ARHGAP6: variants seen among roughly 807,000 people sequenced by gnomAD.
The protein encoded by ARHGAP6 is Rho GTPase activating protein 6, also known as rho GTPase-activating protein 6.
A neutral mutation model predicts 55.7 loss-of-function variants in ARHGAP6; 16 were observed. That is an observed-to-expected ratio of 0.29 (90% CI 0.19 to 0.44). The LOEUF (loss-of-function observed/expected upper bound fraction) is 0.44, where lower values mean the gene tolerates loss of function less well. ARHGAP6 is among the 20% of genes least tolerant of loss of function. The pLI is 1.00. For missense variants in ARHGAP6, 698 were observed against 808.9 expected, an observed-to-expected ratio of 0.86 and a Z score of 1.66; for synonymous variants, 382 against 360.9, an observed-to-expected ratio of 1.06 and a Z score of -0.66.
chrX:11,258,903 T>C (rs951294598), intron 1 of ARHGAP6, among the ~76,000 whole-genome samples: 3 of 111,755 alleles, frequency 2.7e-5, no homozygotes, highest in Non-Finnish European at 5.6e-5. Flanking sequence ...TGAGATGTTT[T>C]GATACAGGCA....
intron 1 of ARHGAP6, among the ~76,000 whole-genome samples, chrX:11,447,559 T>C (rs779463523): frequency 8.9e-6 from 1 of 112,518 alleles, no homozygotes; most frequent in Non-Finnish European, 1.9e-5. Flanking sequence ...TGAGTAGTTG[T>C]GGCAGAGATT....
chrX:11,316,617 A>G (rs932859932), intron 1 of ARHGAP6, among the ~76,000 whole-genome samples: 5 of 112,188 alleles, frequency 4.5e-5, no homozygotes, highest in African/African-American at 9.7e-5. Flanking sequence ...CATTGCTGTT[A>G]ATTATAGTAA....
rs112532582 is a variant in ARHGAP6, at chrX:11,285,164, GT to G, written c.589-30458del. ...TTCCAGATGAACAACCACACAGATT[GT>G]TTTTTTTTTTTTTTTCCAAACATTT... On this transcript the variant is annotated intron_variant, in intron 1 of 12. Coordinates refer to ENST00000337414, the MANE Select transcript of ARHGAP6 (RefSeq NM_013427.3). Among the ~76,000 whole-genome samples the G allele has an allele frequency of 6.7e-3, 584 of 87,787 alleles. 2 individuals carry two copies. The highest frequency in any genetic ancestry group is 0.012 in the Middle Eastern group (2 of 161). 76.2% of individuals were successfully genotyped at this position (87,787 alleles called of 115,157 possible). A position where few individuals can be genotyped will look rare whatever the true frequency, so the allele number is the denominator to read the frequency against.
intron 5 of ARHGAP6, among the ~76,000 whole-genome samples, chrX:11,182,323 C>T (rs915143891): frequency 6.3e-5 from 7 of 111,825 alleles, no homozygotes; most frequent in African/African-American, 2.3e-4. Context: ...CAGAATTTTA[C>T]GTTAAATGTT....
chrX:11,205,675 T>A (rs2046695240), intron 2 of ARHGAP6, among the ~76,000 whole-genome samples: 1 of 111,552 alleles, frequency 9.0e-6, no homozygotes, highest in African/African-American at 3.3e-5. Context: ...GAGTACCTTT[T>A]TGTTCTTATC....
rs182219035 is a variant in ARHGAP6 at position 11,422,893 on chromosome X, T to A, written c.589-168186A>T. On this transcript the variant is annotated intron_variant, in intron 1 of 12. Transcript: ENST00000337414. Reference sequence around the variant, plus strand: ...GGTTTGAAGGAGGGGAGATGTAGCTTCCTAAGATGATGGGGCTTCCACACC... The same window carrying A: ...GGTTTGAAGGAGGGGAGATGTAGCTACCTAAGATGATGGGGCTTCCACACC... 1.2e-3 allele frequency among the ~76,000 whole-genome samples: 133 copies of A among 111,708 alleles called. 1 individual carries two copies. Among genetic ancestry groups the A allele is most frequent in the Non-Finnish European group, 1.9e-3 (103 of 53,103 alleles).
At chrX:11,612,302 C>A (rs1487332803) in intron 1 of ARHGAP6, among the ~76,000 whole-genome samples, 1 of 112,129 alleles carries the variant, frequency 8.9e-6, no homozygotes, top group Non-Finnish European at 1.9e-5. Flanking sequence ...TGTAGATGTC[C>A]AAACTGACTA....
At chrX:11,386,489 G>T (rs1032637861) in intron 1 of ARHGAP6, among the ~76,000 whole-genome samples, 18 of 111,430 alleles carry the variant, frequency 1.6e-4, no homozygotes, top group African/African-American at 4.9e-4. Context: ...GAATCTAGAC[G>T]TGACGAGATG....
chrX:11,624,645 G>A (rs1023709422), intron 1 of ARHGAP6, among the ~76,000 whole-genome samples: 6 of 112,141 alleles, frequency 5.4e-5, no homozygotes, highest in South Asian at 3.7e-4. Context: ...TCCGCCTCCC[G>A]GGTTCATGCC....
At chrX:11,604,868 T>G (rs2052015974) in intron 1 of ARHGAP6, among the ~76,000 whole-genome samples, 1 of 111,911 alleles carries the variant, frequency 8.9e-6, no homozygotes, top group Non-Finnish European at 1.9e-5. Flanking sequence ...TATCCCTAAA[T>G]CAGCCAGTCA....
Position 11,562,623 on chromosome X carries a change from T to G in ARHGAP6, c.588+101618A>C, listed in dbSNP as rs756469274. Among the ~76,000 whole-genome samples the G allele has an allele frequency of 7.2e-5, 8 of 110,992 alleles. No individual in the cohort carries two copies. In the South Asian group the frequency reaches 3.1e-3, roughly 43 times the overall value. ...CTGAAGTTCCAAATTCAGGAATTAT[T>G]TAACTTTCTGATTCCCATCAAAAAA... On this transcript the variant is annotated intron_variant, in intron 1 of 12. Transcript: ENST00000337414.
intron 1 of ARHGAP6, among the ~76,000 whole-genome samples, chrX:11,656,873 C>T (rs185819815): frequency 8.9e-6 from 1 of 112,233 alleles, no homozygotes. Context: ...TTCTGTCTAC[C>T]ACAGTCCTCT....
chrX:11,433,427 C>A (rs1052953227), intron 1 of ARHGAP6, among the ~76,000 whole-genome samples: 52 of 111,690 alleles, frequency 4.7e-4, no homozygotes, highest in African/African-American at 1.6e-3. Context: ...GGGAGGGTAT[C>A]CTTAAAAAGT....
intron 1 of ARHGAP6, among the ~76,000 whole-genome samples, chrX:11,479,838 T>C (rs1178514508): frequency 9.0e-6 from 1 of 111,320 alleles, no homozygotes; most frequent in Non-Finnish European, 1.9e-5. Context: ...GTCGGGGGTA[T>C]ACCGTGGAGG....
chrX:11,663,457 T>C (rs993510419), intron 1 of ARHGAP6, among the ~76,000 whole-genome samples: 1 of 112,187 alleles, frequency 8.9e-6, no homozygotes, highest in African/African-American at 3.2e-5. Flanking sequence ...TGTGTTATTT[T>C]CAAAGCGCCC....
intron 1 of ARHGAP6, among the ~76,000 whole-genome samples, chrX:11,407,825 G>C (rs1190543811): frequency 9.0e-6 from 1 of 111,546 alleles, no homozygotes; most frequent in Non-Finnish European, 1.9e-5. Context: ...GGAGTTGAAC[G>C]GGGAGGAGGT....
At chrX:11,267,247 A>G (rs910886178) in intron 1 of ARHGAP6, among the ~76,000 whole-genome samples, 19 of 112,177 alleles carry the variant, frequency 1.7e-4, no homozygotes, top group African/African-American at 5.2e-4. Context: ...TAGGCAAATG[A>G]TCCTTTAGTT....
intron 1 of ARHGAP6, among the ~76,000 whole-genome samples, chrX:11,259,156 C>T (rs1405895144): frequency 9.0e-6 from 1 of 111,486 alleles, no homozygotes; most frequent in Non-Finnish European, 1.9e-5. Context: ...CCTTCCAAGC[C>T]TGTGGTAACC....
At chrX:11,346,847 C>T (rs1169046109) in intron 1 of ARHGAP6, among the ~76,000 whole-genome samples, 1 of 111,903 alleles carries the variant, frequency 8.9e-6, no homozygotes, top group Non-Finnish European at 1.9e-5. Flanking sequence ...CAGTAGTATA[C>T]ATTTATACTA....
Sources: allele counts gnomAD v4.1 joint callset (sites outside exome capture counted in the v4.1 genomes callset), GRCh38; gene constraint gnomAD v4.1.1; transcripts MANE v1.5; gene names NCBI Gene and HGNC (gene_info 2026-07-23, HGNC 2026-07-21).